Variants in GRM7 observed in about 807,000 individuals in gnomAD.
GRM7 encodes metabotropic glutamate receptor 7.
GRM7 carries 35 observed loss-of-function variants against 84.5 expected under a neutral mutation model. The observed-to-expected ratio is 0.41, with a 90% CI of 0.32 to 0.55. The LOEUF (loss-of-function observed/expected upper bound fraction) is 0.55, where lower values mean the gene tolerates loss of function less well. Among genes scored for constraint, GRM7 ranks in the 20% least tolerant of loss-of-function variants. The pLI, the probability that GRM7 is intolerant of heterozygous loss-of-function variation, is 0.19. For missense variants in GRM7, 1,003 were observed against 1,194.6 expected, an observed-to-expected ratio of 0.84 and a Z score of 2.36; for synonymous variants, 487 against 455.1, an observed-to-expected ratio of 1.07 and a Z score of -0.89.
At chr3:7,385,474 G>A (rs545867938) in intron 4 of GRM7, among the ~76,000 whole-genome samples, 1 of 151,378 alleles carries the variant, frequency 6.6e-6, no homozygotes, top group African/African-American at 2.4e-5. Flanking sequence ...CTAATTTTTT[G>A]TATTGCTAGT....
intron 8 of GRM7, among the ~76,000 whole-genome samples, chr3:7,631,269 A>T (rs3804865): frequency 0.43 from 64,603 of 151,700 alleles, 13,886 homozygotes; most frequent in East Asian, 0.61. Context: ...AAATCTTTGT[A>T]AAAGATAAAG....
chr3:7,060,964 C>T (rs1242674609), intron 1 of GRM7, among the ~76,000 whole-genome samples: 25 of 151,778 alleles, frequency 1.6e-4, no homozygotes, highest in Admixed American at 1.6e-3. Context: ...GAACACACTG[C>T]CGTTGAATCC....
chr3:7,162,521 G>A (rs1217904935), intron 2 of GRM7, among the ~76,000 whole-genome samples: 1 of 151,970 alleles, frequency 6.6e-6, no homozygotes, highest in African/African-American at 2.4e-5. Flanking sequence ...AATTTTAGGT[G>A]AAATGTTAAG....
At chr3:7,382,647 A>G (rs1694634874) in intron 4 of GRM7, among the ~76,000 whole-genome samples, 2 of 152,354 alleles carry the variant, frequency 1.3e-5, no homozygotes, top group South Asian at 2.1e-4. Flanking sequence ...GGAAAACAAT[A>G]GAATACATAG....
intron 7 of GRM7, among the ~76,000 whole-genome samples, chr3:7,534,085 G>A (rs1038335012): frequency 8.7e-5 from 13 of 148,794 alleles, no homozygotes; most frequent in Non-Finnish European, 5.9e-5. Flanking sequence ...CACAATCTTG[G>A]CTCACTACAA....
intron 9 of GRM7, among the ~76,000 whole-genome samples, chr3:7,710,266 C>A (rs189426292): frequency 6.6e-6 from 1 of 151,998 alleles, no homozygotes; most frequent in East Asian, 1.9e-4. Flanking sequence ...CAAAAGAATG[C>A]GTAATGCAAA....
chr3:7,461,025 C>G (rs935232326), intron 6 of GRM7, among the ~76,000 whole-genome samples: 2 of 152,064 alleles, frequency 1.3e-5, no homozygotes, highest in African/African-American at 4.8e-5. Flanking sequence ...CACTGCTAAA[C>G]CTTTTACCTG....
At chr3:7,490,771 T>C (rs1699490069) in intron 7 of GRM7, among the ~76,000 whole-genome samples, 1 of 152,166 alleles carries the variant, frequency 6.6e-6, no homozygotes, top group South Asian at 2.1e-4. Flanking sequence ...ACAGATATGA[T>C]AAGACTCAAT....
At chr3:7,017,177 A>T (rs767214642) in intron 1 of GRM7, among the ~76,000 whole-genome samples, 1 of 152,220 alleles carries the variant, frequency 6.6e-6, no homozygotes, top group African/African-American at 2.4e-5. Flanking sequence ...AAAGCTATGC[A>T]CATAAAAGAC....
intron 2 of GRM7, among the ~76,000 whole-genome samples, chr3:7,186,949 T>A (rs1055359020): frequency 2.6e-5 from 4 of 152,228 alleles, no homozygotes; most frequent in Non-Finnish European, 5.9e-5. Context: ...TCTGGTGTGG[T>A]GGCATATGCC....
chr3:7,547,913 C>CAGA lies in GRM7; in HGVS notation c.1516-30504_1516-30502dup, dbSNP rs528822317. Among the ~76,000 whole-genome samples, 5 of 152,258 alleles carry CAGA rather than the reference C, an allele frequency of 3.3e-5. No individual in the cohort carries two copies. The East Asian group carries it at 9.7e-4, about 29-fold the overall frequency. On this transcript the variant is annotated intron_variant, in intron 7 of 9. Coordinates refer to ENST00000357716, the MANE Select transcript of GRM7 (RefSeq NM_000844.4). ...CATTTCACTAACTGGAGATCCTTTC[C>CAGA]AGAAGAACTTGTTTGGAACAGAGAG...
rs568349842 is a variant in GRM7, at chr3:7,525,171, C to T, written c.1516-53251C>T. Among the ~76,000 whole-genome samples the T allele has an allele frequency of 1.6e-4, 25 of 151,580 alleles. No homozygotes were observed. In the South Asian group the frequency reaches 1.9e-3, roughly 11 times the overall value. ...AGGAGATATACCTAATGCTAAATGACGAGTTAATGGGTGCAGCACACCAGC... is the reference window on the plus strand; with the variant it reads ...AGGAGATATACCTAATGCTAAATGATGAGTTAATGGGTGCAGCACACCAGC... On this transcript the variant is annotated intron_variant, in intron 7 of 9. Transcript: ENST00000357716.
At chr3:7,222,874 A>G (rs1559510712) in intron 2 of GRM7, among the ~76,000 whole-genome samples, 1 of 152,214 alleles carries the variant, frequency 6.6e-6, no homozygotes, top group Admixed American at 6.5e-5. Context: ...CTTTTCAGCA[A>G]TTCCAGTTTG....
intron 1 of GRM7, among the ~76,000 whole-genome samples, chr3:6,884,011 G>C (rs1207589363): frequency 6.6e-6 from 1 of 152,150 alleles, no homozygotes; most frequent in African/African-American, 2.4e-5. Context: ...GCCAATATAA[G>C]TTATATTGAT....
At chr3:7,604,760 A>ATTC (rs1696481960) in intron 8 of GRM7, among the ~76,000 whole-genome samples, 1 of 152,148 alleles carries the variant, frequency 6.6e-6, no homozygotes, top group Admixed American at 6.6e-5. Context: ...ACAAATACAT[A>ATTC]TTCTGTCATG....
At chr3:7,182,414 C>G (rs973339619) in intron 2 of GRM7, among the ~76,000 whole-genome samples, 17 of 151,826 alleles carry the variant, frequency 1.1e-4, no homozygotes, top group Admixed American at 2.6e-4. Flanking sequence ...ATTATTGCTT[C>G]AAAAAAAATC....
Position 6,900,697 on chromosome 3 carries a change from G to T in GRM7, c.519+38790G>T, listed in dbSNP as rs531678125. Among the ~76,000 whole-genome samples the T allele has an allele frequency of 3.9e-5, 6 of 152,262 alleles. No individual in the cohort carries two copies. The South Asian group carries it at 1.2e-3, about 32-fold the overall frequency. On this transcript the variant is annotated intron_variant, in intron 1 of 9. Transcript: ENST00000357716. Reference sequence around the variant, plus strand: ...GAGAGAAGAAGCTTATAGAGAGACCGAAAGGGTTCTTTTAAGGATATATTT... The same window carrying T: ...GAGAGAAGAAGCTTATAGAGAGACCTAAAGGGTTCTTTTAAGGATATATTT...
chr3:7,095,955 A>T (rs1485350540), intron 1 of GRM7, among the ~76,000 whole-genome samples: 1 of 152,196 alleles, frequency 6.6e-6, no homozygotes, highest in East Asian at 1.9e-4. Flanking sequence ...TATTTTAGGT[A>T]TACATTGTGT....
At chr3:6,913,573 T>C (rs1341870005) in intron 1 of GRM7, among the ~76,000 whole-genome samples, 1 of 152,200 alleles carries the variant, frequency 6.6e-6, no homozygotes, top group Admixed American at 6.5e-5. Flanking sequence ...AGTTCTTAAC[T>C]TTCCAGTAAT....
Sources: gnomAD v4.1 joint callset for allele counts (sites outside exome capture counted in the v4.1 genomes callset) on GRCh38, gnomAD v4.1.1 for gene constraint, MANE v1.5 for transcripts, NCBI Gene and HGNC (gene_info 2026-07-23, HGNC 2026-07-21) for gene names.